JADE1: variants seen among roughly 807,000 people sequenced by gnomAD.
JADE1 encodes the protein protein Jade-1.
JADE1 carries 14 observed loss-of-function variants against 81.8 expected under a neutral mutation model. That is an observed-to-expected ratio of 0.17 (90% confidence interval 0.11 to 0.27). The LOEUF (loss-of-function observed/expected upper bound fraction) is 0.27. Ranked by LOEUF, JADE1 falls within the 10% of genes least tolerant of loss-of-function variation. The pLI is 1.00. For missense variants in JADE1, 690 were observed against 1,047.9 expected (o/e 0.66, Z 4.71); for synonymous variants, 353 against 391.9 (o/e 0.90, Z 1.17).
intron 9 of JADE1, chr4:128,862,911 T>TGTGCGC (rs1268710953): frequency 2.0e-6 from 2 of 984,554 alleles, no homozygotes; most frequent in Non-Finnish European, 2.4e-6. Flanking sequence ...TGTGTGTGTG[T>TGTGCGC]GTGCGCGTGC....
At chr4:128,869,477 T>C (rs948938309) in intron 10 of JADE1, among the ~76,000 whole-genome samples, 4 of 152,212 alleles carry the variant, frequency 2.6e-5, no homozygotes, top group African/African-American at 7.2e-5. Flanking sequence ...TGTGGAGTTG[T>C]GCCATTGGAG....
chr4:128,863,252 T>C, intron 9 of JADE1: 5 of 985,592 alleles, frequency 5.1e-6, no homozygotes, highest in Non-Finnish European at 6.0e-6. Flanking sequence ...AGTTTCTGGC[T>C]GAGGCTTGCT....
intron 8 of JADE1, among the ~76,000 whole-genome samples, chr4:128,858,301 A>G (rs893492814): frequency 6.6e-6 from 1 of 152,128 alleles, no homozygotes; most frequent in Non-Finnish European, 1.5e-5. Flanking sequence ...ATTGACATCT[A>G]GACAGTCAGG....
At chr4:128,834,590 A>G (rs1728826359) in intron 2 of JADE1, among the ~76,000 whole-genome samples, 1 of 142,556 alleles carries the variant, frequency 7.0e-6, no homozygotes, top group Non-Finnish European at 1.5e-5. Context: ...GCTGGAGTAC[A>G]GTGGCATGAT....
rs1730387884 is a variant in JADE1 at position 128,851,886 on chromosome 4, G to A, written c.485-171G>A. ...ACTATATTGCCCAGGCTGACCTTGAGCTCTTGGGCTCAGATGTGAGCCACC... is the reference window on the plus strand; with the variant it reads ...ACTATATTGCCCAGGCTGACCTTGAACTCTTGGGCTCAGATGTGAGCCACC... On this transcript the variant is annotated intron_variant, in intron 5 of 10. Coordinates refer to ENST00000226319, the MANE Select transcript of JADE1 (RefSeq NM_199320.4). Among the ~76,000 whole-genome samples the A allele has an allele frequency of 2.0e-5, 3 of 152,048 alleles. No individual in the cohort carries two copies. In the East Asian group the frequency reaches 5.8e-4, roughly 29 times the overall value.
chr4:128,815,309 C>T (rs564326203), intron 1 of JADE1, among the ~76,000 whole-genome samples: 1 of 152,134 alleles, frequency 6.6e-6, no homozygotes, highest in Non-Finnish European at 1.5e-5. Flanking sequence ...ACCGTGTTAG[C>T]CAGGATGGTC....
rs1731396317 is a variant in JADE1, at chr4:128,862,231, G to T, written c.1503+6G>T. 1.9e-6 allele frequency: 3 copies of T among 1,614,062 alleles called. No homozygotes were observed. Among genetic ancestry groups the T allele is most frequent in the Non-Finnish European group, 2.5e-6 (3 of 1,180,028 alleles). On this transcript the variant is annotated splice_donor_region_variant and intron_variant, in intron 9 of 10. Transcript: ENST00000226319. ...TGCGGCAGGACCTGGAGAGGGTAAT[G>T]ATTGACACTGACACCTTATAGTGAC...
intron 8 of JADE1, among the ~76,000 whole-genome samples, chr4:128,859,429 A>G (rs187656841): frequency 0.013 from 1,917 of 151,864 alleles, 50 homozygotes; most frequent in African/African-American, 0.044. Flanking sequence ...ATGTGTGCAT[A>G]TGTATGCATG....
intron 1 of JADE1, among the ~76,000 whole-genome samples, chr4:128,813,500 C>A (rs1351693464): frequency 6.8e-6 from 1 of 147,368 alleles, no homozygotes; most frequent in East Asian, 2.0e-4. Flanking sequence ...CTCACTGCAA[C>A]CTCCGCCTCC....
chr4:128,839,686 C>T (rs1403044400), intron 2 of JADE1, among the ~76,000 whole-genome samples: 1 of 151,998 alleles, frequency 6.6e-6, no homozygotes, highest in Non-Finnish European at 1.5e-5. Flanking sequence ...TTCTTTCACT[C>T]AGGAGAATTA....
chr4:128,836,726 TG>T (rs1560744453), intron 2 of JADE1, among the ~76,000 whole-genome samples: 1 of 148,902 alleles, frequency 6.7e-6, no homozygotes, highest in Non-Finnish European at 1.5e-5. Flanking sequence ...ATAGTAGCTC[TG>T]ATCAGCACTG....
chr4:128,861,576 G>T, intron 8 of JADE1, 128 bp from the exon 9 acceptor site: 1 of 1,086,488 alleles, frequency 9.2e-7, no homozygotes, highest in Non-Finnish European at 1.3e-6. Flanking sequence ...CAACTTTCCT[G>T]TCATGGCACA....
chr4:128,820,032 TG>T (rs1727413589), intron 1 of JADE1, among the ~76,000 whole-genome samples: 2 of 152,202 alleles, frequency 1.3e-5, no homozygotes, highest in Admixed American at 1.3e-4. Flanking sequence ...GTAGGAAAGG[TG>T]GATTAAATTA....
chr4:128,822,953 T>G (rs1727719479), intron 1 of JADE1, among the ~76,000 whole-genome samples: 1 of 152,172 alleles, frequency 6.6e-6, no homozygotes, highest in South Asian at 2.1e-4. Flanking sequence ...AGTTAGCCTG[T>G]TTTTCTCCCC....
intron 8 of JADE1, 123 bp from the exon 9 acceptor site, chr4:128,861,581 G>A: frequency 9.1e-7 from 1 of 1,102,044 alleles, no homozygotes; most frequent in Non-Finnish European, 1.3e-6. Context: ...TTCCTGTCAT[G>A]GCACATGCTT....
chr4:128,832,913 G>A (rs1376949181), intron 2 of JADE1, among the ~76,000 whole-genome samples: 1 of 152,140 alleles, frequency 6.6e-6, no homozygotes, highest in Non-Finnish European at 1.5e-5. Context: ...GTGGTATTTC[G>A]GTTGGTGTGC....
rs554447888 is a variant in JADE1, at chr4:128,848,431, G to A, written c.297-549G>A. Among the ~76,000 whole-genome samples the A allele has an allele frequency of 3.8e-3, 579 of 152,198 alleles. 2 individuals carry two copies. Among genetic ancestry groups the A allele is most frequent in the Non-Finnish European group, 5.5e-3 (371 of 68,000 alleles). On this transcript the variant is annotated intron_variant, in intron 4 of 10. Transcript: ENST00000226319. Reference sequence around the variant, plus strand: ...TGACCTCAAATGATCCGCCTGCCTCGGCCTCCCAAAGTGCTGGGATTACAG... The same window carrying A: ...TGACCTCAAATGATCCGCCTGCCTCAGCCTCCCAAAGTGCTGGGATTACAG...
chr4:128,836,099 A>C (rs981443761), intron 2 of JADE1, among the ~76,000 whole-genome samples: 1 of 151,910 alleles, frequency 6.6e-6, no homozygotes, highest in Non-Finnish European at 1.5e-5. Flanking sequence ...CAAGTCCTTA[A>C]TTTTCTGCTT....
chr4:128,839,392 CCTTA>C lies in JADE1; in HGVS notation c.53-3558_53-3555del, dbSNP rs1729242042. ...GTAAAGTAAAATAGAATTTTTTTCCCCTTACTGTTAGTGGATGGTATCTCAGTGA... is the reference window on the plus strand; with the variant it reads ...GTAAAGTAAAATAGAATTTTTTTCCCCTGTTAGTGGATGGTATCTCAGTGA... On this transcript the variant is annotated intron_variant, in intron 2 of 10. Transcript: ENST00000226319. Among the ~76,000 whole-genome samples, 3 of 152,246 alleles carry C rather than the reference CCTTA, an allele frequency of 2.0e-5. No homozygotes were observed. In the South Asian group the frequency reaches 6.2e-4, roughly 32 times the overall value.
Sources: gnomAD v4.1 joint callset for allele counts (sites outside exome capture counted in the v4.1 genomes callset) on GRCh38, gnomAD v4.1.1 for gene constraint, MANE v1.5 for transcripts, NCBI Gene and HGNC (gene_info 2026-07-23, HGNC 2026-07-21) for gene names.